The following SLC9B2 variants were observed in gnomAD, a reference collection of about 807,000 sequenced individuals.
The protein encoded by SLC9B2 is solute carrier family 9 member B2.
In SLC9B2, 39 loss-of-function variants were observed where a neutral mutation model predicts 52.2. The observed-to-expected ratio is 0.75, with a 90% CI of 0.58 to 0.98. The LOEUF (loss-of-function observed/expected upper bound fraction) is 0.98. Ranked by LOEUF, SLC9B2 falls within the 50% of genes least tolerant of loss-of-function variation. The probability of loss-of-function intolerance (pLI) is 0.00; values close to 1 mark genes in which losing one functional copy is unlikely to be tolerated. For missense variants in SLC9B2, 626 were observed against 637.5 expected (o/e 0.98, Z 0.19); for synonymous variants, 214 against 227.0 (o/e 0.94, Z 0.51).
At chr4:103,050,718 C>T (rs1056756326) in intron 4 of SLC9B2, among the ~76,000 whole-genome samples, 2 of 152,200 alleles carry the variant, frequency 1.3e-5, no homozygotes, top group African/African-American at 4.8e-5. Flanking sequence ...GTGCAAACAG[C>T]AAACAGCGCA....
intron 3 of SLC9B2, chr4:103,065,583 A>G (rs1746051197): frequency 6.6e-6 from 1 of 152,296 alleles, no homozygotes; most frequent in South Asian, 2.1e-4. Flanking sequence ...GCCTTTATAG[A>G]TAATTTTCAA....
In SLC9B2 at chr4:103,028,895, A is replaced by G. The variant is rs778796986; in HGVS notation, c.1256-12T>C. On this transcript the variant is annotated splice_polypyrimidine_tract_variant and intron_variant, in intron 10 of 11. Transcript: ENST00000394785. ...GGCAACACAAAGGCCTGTAAGAAAT[A>G]TTCAATTTTTAGAAATAATAAAATA... 4 of 1,517,926 alleles carry G rather than the reference A, an allele frequency of 2.6e-6. No homozygotes were observed. In the Admixed American group the frequency reaches 1.0e-4, roughly 38 times the overall value. The allele number at this position is 1,517,926 out of a possible 1,614,324, so 94.0% of individuals were successfully genotyped here. A position where few individuals can be genotyped will look rare whatever the true frequency, so the allele number is the denominator to read the frequency against.
intron 4 of SLC9B2, among the ~76,000 whole-genome samples, chr4:103,055,024 G>A (rs1279135252): frequency 1.3e-5 from 2 of 152,170 alleles, no homozygotes; most frequent in South Asian, 4.1e-4. Context: ...TTAAGGAAAT[G>A]TGGCACATAT....
chr4:103,034,927 G>C (rs189735842), intron 9 of SLC9B2, among the ~76,000 whole-genome samples: 1 of 151,904 alleles, frequency 6.6e-6, no homozygotes, highest in South Asian at 2.1e-4. Context: ...AGTAAACTGC[G>C]TGACCAAATG....
intron 9 of SLC9B2, among the ~76,000 whole-genome samples, chr4:103,038,790 G>T (rs1270082847): frequency 6.6e-6 from 1 of 152,048 alleles, no homozygotes; most frequent in East Asian, 1.9e-4. Flanking sequence ...AAAAAAATCT[G>T]TAAAAGTCAT....
rs532304353 is a variant in SLC9B2, at chr4:103,025,640, G to T, written c.*730C>A. On this transcript the variant is annotated 3_prime_UTR_variant, in exon 12 of 12. Transcript: ENST00000394785. ...CACCTAGAAATGGGAAGAGCCTAAA[G>T]ATATGGGTCATAAGAAACAAAAAAA... 3.4e-4 allele frequency: 52 copies of T among 152,056 alleles called. No homozygotes were observed. Among genetic ancestry groups the T allele is most frequent in the African/African-American group, 1.2e-3 (50 of 41,472 alleles). 9.4% of individuals were successfully genotyped at this position (152,056 alleles called of 1,614,324 possible). A position where few individuals can be genotyped will look rare whatever the true frequency, so the allele number is the denominator to read the frequency against.
intron 4 of SLC9B2, among the ~76,000 whole-genome samples, chr4:103,053,950 G>A (rs1477551976): frequency 2.6e-5 from 4 of 152,110 alleles, no homozygotes; most frequent in Non-Finnish European, 4.4e-5. Flanking sequence ...TGATCTGCCC[G>A]CCTCGGCCTC....
At chr4:103,048,212 T>C (rs1744342087) in intron 6 of SLC9B2, among the ~76,000 whole-genome samples, 1 of 152,222 alleles carries the variant, frequency 6.6e-6, no homozygotes, top group Non-Finnish European at 1.5e-5. Flanking sequence ...TTGAGCACTT[T>C]ACACGTATTC....
At chr4:103,039,680 G>A (rs935862779) in intron 9 of SLC9B2, among the ~76,000 whole-genome samples, 7 of 145,526 alleles carry the variant, frequency 4.8e-5, no homozygotes, top group Non-Finnish European at 1.0e-4. Context: ...TGGAGTCTCG[G>A]TCTGTCGCCC....
intron 1 of SLC9B2, among the ~76,000 whole-genome samples, chr4:103,073,293 A>G (rs997219846): frequency 6.6e-6 from 1 of 152,226 alleles, no homozygotes; most frequent in Admixed American, 6.5e-5. Context: ...AATGATAATA[A>G]TAACAACAAT....
upstream of SLC9B2, chr4:103,077,209 T>A (rs1213455868): frequency 6.6e-6 from 1 of 152,204 alleles, no homozygotes; most frequent in Non-Finnish European, 1.5e-5. Context: ...CAAGGGAGAT[T>A]ATCCTCAAAT....
At chr4:103,050,607 G>C (rs943334171) in intron 4 of SLC9B2, among the ~76,000 whole-genome samples, 3 of 152,118 alleles carry the variant, frequency 2.0e-5, no homozygotes, top group African/African-American at 7.2e-5. Context: ...CAAAATAACT[G>C]AACTTAAAAG....
chr4:103,048,751 G>T (rs1744394521), intron 6 of SLC9B2, 142 bp downstream of exon 6: 2 of 1,042,866 alleles, frequency 1.9e-6, no homozygotes, highest in Admixed American at 5.9e-5. Context: ...TTTGAAGTTA[G>T]AATATTTAAA....
At chr4:103,054,835 C>T (rs369903200) in intron 4 of SLC9B2, among the ~76,000 whole-genome samples, 78 of 152,258 alleles carry the variant, frequency 5.1e-4, no homozygotes, top group African/African-American at 1.8e-3. Flanking sequence ...TGTGGTGATT[C>T]CTCAGGGATC....
downstream of SLC9B2, among the ~76,000 whole-genome samples, chr4:103,020,776 G>A (rs538246006): frequency 1.2e-3 from 185 of 151,930 alleles, no homozygotes; most frequent in Middle Eastern, 0.017. Flanking sequence ...GACTACAGGT[G>A]GGCACCACTA....
At chr4:103,038,054 G>C (rs917396431) in intron 9 of SLC9B2, among the ~76,000 whole-genome samples, 1 of 151,796 alleles carries the variant, frequency 6.6e-6, no homozygotes, top group Admixed American at 6.6e-5. Context: ...TAGAGATGAG[G>C]TTTTGTCATG....
At chr4:103,028,942 A>C in intron 10 of SLC9B2, 59 bp from the exon 11 acceptor site, 527 of 1,339,304 alleles carry the variant, frequency 3.9e-4, no homozygotes, top group Non-Finnish European at 4.7e-4. Flanking sequence ...ACTGCATCTC[A>C]TGGTTACTAA....
At chr4:103,039,258 T>G (rs1184249324) in intron 9 of SLC9B2, among the ~76,000 whole-genome samples, 1 of 152,198 alleles carries the variant, frequency 6.6e-6, no homozygotes, top group Non-Finnish European at 1.5e-5. Context: ...ATAAAAATAA[T>G]AAGAGTTATT....
chr4:103,049,062 A>G, intron 5 of SLC9B2, 42 bp from the exon 6 acceptor site: 1 of 1,600,622 alleles, frequency 6.2e-7, no homozygotes, highest in Non-Finnish European at 8.5e-7. Context: ...TCCTCTGAAG[A>G]TGTGCAGAGA....
Sources: gnomAD v4.1 joint callset for allele counts (sites outside exome capture counted in the v4.1 genomes callset) on GRCh38, gnomAD v4.1.1 for gene constraint, MANE v1.5 for transcripts, NCBI Gene and HGNC (gene_info 2026-07-23, HGNC 2026-07-21) for gene names.